The following GALNTL6 variants were observed in gnomAD, a reference collection of about 807,000 sequenced individuals.
The protein encoded by GALNTL6 is polypeptide N-acetylgalactosaminyltransferase-like 6.
In GALNTL6, 46 loss-of-function variants were observed where a neutral mutation model predicts 73.7. That is an observed-to-expected ratio of 0.62 (90% confidence interval 0.49 to 0.80). GALNTL6 has a LOEUF of 0.80. Ranked by LOEUF, GALNTL6 falls within the 30% of genes least tolerant of loss-of-function variation. GALNTL6 has a pLI of 0.00. For missense variants in GALNTL6, 604 were observed against 755.0 expected (o/e 0.80, Z 2.34); for synonymous variants, 259 against 263.7 (o/e 0.98, Z 0.17).
At chr4:172,743,256 C>T (rs552012350) in intron 5 of GALNTL6, among the ~76,000 whole-genome samples, 6 of 152,158 alleles carry the variant, frequency 3.9e-5, no homozygotes, top group Non-Finnish European at 7.4e-5. Flanking sequence ...GTAGCTTACA[C>T]CACAGCCTAG....
chr4:171,966,236 A>T (rs562591827), intron 2 of GALNTL6, among the ~76,000 whole-genome samples: 1 of 152,288 alleles, frequency 6.6e-6, no homozygotes, highest in South Asian at 2.1e-4. Flanking sequence ...TACATTCTGA[A>T]TTTATAGCTG....
At chr4:172,798,546 T>G (rs936732079) in intron 5 of GALNTL6, among the ~76,000 whole-genome samples, 2 of 152,228 alleles carry the variant, frequency 1.3e-5, no homozygotes, top group African/African-American at 2.4e-5. Context: ...TTATATAGCC[T>G]ATGGAACTAT....
At chr4:172,672,490 T>C (rs1732044165) in intron 5 of GALNTL6, among the ~76,000 whole-genome samples, 1 of 152,232 alleles carries the variant, frequency 6.6e-6, no homozygotes, top group African/African-American at 2.4e-5. Context: ...TGTTGTTGTA[T>C]CATGGCCAAG....
chr4:172,803,627 T>G (rs1361829740), intron 5 of GALNTL6, among the ~76,000 whole-genome samples: 1 of 152,246 alleles, frequency 6.6e-6, no homozygotes, highest in Non-Finnish European at 1.5e-5. Flanking sequence ...TCACTCTTTG[T>G]GTGATGTTAT....
At chr4:172,361,122 A>G (rs1036757795) in intron 5 of GALNTL6, among the ~76,000 whole-genome samples, 32 of 152,306 alleles carry the variant, frequency 2.1e-4, no homozygotes, top group Non-Finnish European at 4.3e-4. Context: ...CTTTTAGAAA[A>G]GTTCGCCACT....
chr4:172,365,783 G>C (rs1450513297), intron 5 of GALNTL6, among the ~76,000 whole-genome samples: 2 of 151,774 alleles, frequency 1.3e-5, no homozygotes, highest in Non-Finnish European at 2.9e-5. Flanking sequence ...AAAGGTCCTA[G>C]AGTTCTGTTA....
At chr4:171,846,365 T>A (rs1735367840) in intron 2 of GALNTL6, among the ~76,000 whole-genome samples, 1 of 152,174 alleles carries the variant, frequency 6.6e-6, no homozygotes, top group African/African-American at 2.4e-5. Flanking sequence ...CTATTTCTTA[T>A]CTTCTCCTTA....
chr4:172,354,589 C>A (rs1742085872), intron 5 of GALNTL6, among the ~76,000 whole-genome samples: 1 of 151,846 alleles, frequency 6.6e-6, no homozygotes, highest in Admixed American at 6.6e-5. Flanking sequence ...CAATCAATGT[C>A]AGGAAAATTA....
intron 10 of GALNTL6, among the ~76,000 whole-genome samples, chr4:172,982,955 G>A (rs770968952): frequency 7.9e-5 from 12 of 152,054 alleles, no homozygotes; most frequent in Non-Finnish European, 1.3e-4. Context: ...TATAGAGAGT[G>A]CAATAATAGA....
intron 5 of GALNTL6, among the ~76,000 whole-genome samples, chr4:172,640,865 A>T (rs533342952): frequency 6.6e-6 from 1 of 152,160 alleles, no homozygotes; most frequent in South Asian, 2.1e-4. Flanking sequence ...TATACTGCCA[A>T]CTCAGACCTT....
At chr4:172,048,069 C>A (rs1380484938) in intron 2 of GALNTL6, among the ~76,000 whole-genome samples, 1 of 152,012 alleles carries the variant, frequency 6.6e-6, no homozygotes, top group African/African-American at 2.4e-5. Context: ...TTATCTTTCT[C>A]TTATCTTCAC....
chr4:172,143,211 TTTTTC>T (rs1733845784), intron 2 of GALNTL6, among the ~76,000 whole-genome samples: 1 of 152,050 alleles, frequency 6.6e-6, no homozygotes. Context: ...CTTTTCTTTC[TTTTTC>T]TTTTATTTTT....
intron 5 of GALNTL6, among the ~76,000 whole-genome samples, chr4:172,363,221 T>C (rs1742436288): frequency 6.6e-6 from 1 of 152,104 alleles, no homozygotes; most frequent in Non-Finnish European, 1.5e-5. Flanking sequence ...TTAAATAATG[T>C]TTTCACTATC....
intron 2 of GALNTL6, among the ~76,000 whole-genome samples, chr4:171,934,172 C>A (rs1738271687): frequency 6.6e-6 from 1 of 152,050 alleles, no homozygotes; most frequent in African/African-American, 2.4e-5. Flanking sequence ...AGTCTATTGG[C>A]AGACAAGGTA....
chr4:171,830,322 A>T (rs1734933492), intron 2 of GALNTL6, among the ~76,000 whole-genome samples: 1 of 152,180 alleles, frequency 6.6e-6, no homozygotes, highest in Admixed American at 6.6e-5. Flanking sequence ...GAGATTGGCT[A>T]CAGCAATCCC....
chr4:172,117,698 C>A lies in GALNTL6; in HGVS notation c.139-111958C>A, dbSNP rs951809493. Among the ~76,000 whole-genome samples the A allele has an allele frequency of 4.6e-5, 7 of 151,996 alleles. 1 individual carries two copies. The highest frequency in any genetic ancestry group is 1.0e-4 in the Non-Finnish European group (7 of 68,006). ...ACGTAAAAACAAATTGTGGCCTATT[C>A]GTGCACTAGAATGGAACTGAGCAAT... is the stretch of plus-strand genomic sequence containing the variant. On this transcript the variant is annotated intron_variant, in intron 2 of 12. Transcript: ENST00000506823.
intron 5 of GALNTL6, among the ~76,000 whole-genome samples, chr4:172,561,379 C>T (rs1179108072): frequency 3.9e-5 from 6 of 151,920 alleles, no homozygotes; most frequent in Non-Finnish European, 8.8e-5. Context: ...TCCTTACCCC[C>T]TGTTCTTTAA....
intron 2 of GALNTL6, among the ~76,000 whole-genome samples, chr4:171,899,210 C>T (rs751594493): frequency 4.2e-5 from 6 of 142,956 alleles, no homozygotes; most frequent in Non-Finnish European, 7.7e-5. Flanking sequence ...ATGTAATTAG[C>T]ACTGAAAAGT....
chr4:172,838,640 C>T (rs143904054), intron 7 of GALNTL6, among the ~76,000 whole-genome samples: 2 of 152,182 alleles, frequency 1.3e-5, no homozygotes, highest in East Asian at 1.9e-4. Flanking sequence ...TTCTGGGAAA[C>T]GAAACAGGTG....
Sources: gnomAD v4.1 joint callset for allele counts (sites outside exome capture counted in the v4.1 genomes callset) on GRCh38, gnomAD v4.1.1 for gene constraint, MANE v1.5 for transcripts, NCBI Gene and HGNC (gene_info 2026-07-23, HGNC 2026-07-21) for gene names.